PDGFRB: variants seen among roughly 807,000 people sequenced by gnomAD.
PDGFRB encodes platelet-derived growth factor receptor beta.
PDGFRB carries 42 observed loss-of-function variants against 120.2 expected under a neutral mutation model. The observed-to-expected ratio is 0.35, with a 90% CI of 0.27 to 0.45. The LOEUF (loss-of-function observed/expected upper bound fraction) is 0.45. PDGFRB is among the 20% of genes least tolerant of loss of function. The pLI is 1.00. For missense variants in PDGFRB, 1,149 were observed against 1,476.3 expected, an observed-to-expected ratio of 0.78 and a Z score of 3.63; for synonymous variants, 586 against 606.8, an observed-to-expected ratio of 0.97 and a Z score of 0.50.
chr5:150,124,079 T>C, intron 14 of PDGFRB, 171 bp downstream of exon 14: 1 of 435,642 alleles, frequency 2.3e-6, no homozygotes, highest in Non-Finnish European at 4.1e-6. Context: ...ATTTTGTGAG[T>C]TTCTAAACCC....
At chr5:150,149,047 T>C (rs1474377726) in intron 1 of PDGFRB, among the ~76,000 whole-genome samples, 1 of 152,166 alleles carries the variant, frequency 6.6e-6, no homozygotes, top group African/African-American at 2.4e-5. Flanking sequence ...TCTGCGGTGC[T>C]GTGTGAGGAT....
At position 150,115,878 on chromosome 5, in the gene PDGFRB, T is replaced by C. The variant is rs1444854414; in HGVS notation, c.3206A>G (p.Glu1069Gly). Residue 1069 changes from glutamate (E) to glycine (G), a missense_variant, in exon 23 of 23, where the codon GAA becomes GGA. By Grantham distance (98) the Glu-to-Gly change is moderately conservative. Transcript: ENST00000261799. ...CTCAAGCTGGGGCTCTGGCTCTGGT[T>C]CGTCCTGGGGCTCCAGGGGGCTGTC... ...SCDSPLEPQD[E>G]PEPEPQLELQ... The C allele has an allele frequency of 6.2e-7, 1 of 1,610,900 alleles. No individual in the cohort carries two copies. The highest frequency in any genetic ancestry group is 1.1e-5 in the South Asian group (1 of 90,378).
intron 15 of PDGFRB, chr5:150,122,329 T>C (rs1157625507): frequency 2.8e-6 from 1 of 358,642 alleles, no homozygotes; most frequent in Non-Finnish European, 5.2e-6. Context: ...GGCGCCTTCC[T>C]GTGGCCTCCC....
rs2113906861 is a variant in PDGFRB at position 150,132,789 on chromosome 5, C to A, written c.1088G>T (p.Gly363Val). ...GTTGCGCGTGGACAGGGCGATTTCG[C>A]CAGCGCTGGAGTCGCCCAGGGTGCG... ...DNRTLGDSSA[G>V]EIALSTRNVS... Residue 363 changes from glycine to valine, a missense_variant, in exon 7 of 23, where the codon GGC becomes GTC. Physicochemically the swap from Gly to Val is moderately radical, Grantham distance 109. This residue lies in a region of PDGFRB where 879 missense variants were observed against 1,108.6 expected (regional missense o/e 0.79). Transcript: ENST00000261799. The surrounding 1 kb of genome is among the most constrained non-coding windows in gnomAD (Gnocchi z 5.0). The A allele has an allele frequency of 1.2e-6, 2 of 1,613,102 alleles. No homozygotes were observed. The highest frequency in any genetic ancestry group is 4.5e-5 in the East Asian group (2 of 44,842).
At chr5:150,117,451 A>T (rs1333844768) in intron 22 of PDGFRB, among the ~76,000 whole-genome samples, 167 bp downstream of exon 22, 2 of 152,046 alleles carry the variant, frequency 1.3e-5, no homozygotes, top group Non-Finnish European at 1.5e-5. Context: ...AGTTCAAATG[A>T]GTTCCATTCT....
At chr5:150,143,927 C>G (rs1208589888) in intron 1 of PDGFRB, among the ~76,000 whole-genome samples, 2 of 152,142 alleles carry the variant, frequency 1.3e-5, no homozygotes, top group East Asian at 3.9e-4. Flanking sequence ...GCGCAGCCCA[C>G]TCGGTGTTGG....
rs116171826 is a variant in PDGFRB, at chr5:150,129,943, G to A, written c.1393C>T (p.Leu465=). 1.4e-3 allele frequency: 2,311 copies of A among 1,613,946 alleles called. 26 individuals are homozygous for A. The highest frequency in any genetic ancestry group is 0.01 in the African/African-American group (765 of 75,076). The change falls in exon 10 of 23, where the codon CTG becomes TTG. Residue 465 remains leucine, a synonymous_variant. Transcript: ENST00000261799. ...TCCTCTTCGGAACTGTTCCCCAGCA[G>A]CGTGGGCGGCAGCTCACGTGGACAC... ...KRCPRELPPT[L]LGNSSEEESQ...
intron 21 of PDGFRB, among the ~76,000 whole-genome samples, chr5:150,118,311 C>T (rs1030839753): frequency 3.9e-5 from 6 of 152,276 alleles, no homozygotes; most frequent in Admixed American, 1.3e-4. Context: ...CTCACTTGGA[C>T]CCGTGTTGTT....
intron 1 of PDGFRB, among the ~76,000 whole-genome samples, chr5:150,148,263 C>T (rs1323664180): frequency 6.6e-6 from 1 of 152,232 alleles, no homozygotes; most frequent in Non-Finnish European, 1.5e-5. Context: ...ACCTACCTAA[C>T]AACGATCTGG....
At position 150,114,298 on chromosome 5, in the gene PDGFRB, A is replaced by G. The variant is rs1457611343; in HGVS notation, c.*1465T>C. 4.3e-6 allele frequency: 1 copy of G among 232,846 alleles called. No homozygotes were observed. The highest frequency in any genetic ancestry group is 8.5e-6 in the Non-Finnish European group (1 of 117,884). 14.4% of individuals were successfully genotyped at this position (232,846 alleles called of 1,614,324 possible). ...CTGGTGGGTGAGGGGCAAACCTCCAAAGCGCCCACCTCTCACATCCTTCTT... is the reference window on the plus strand; with the variant it reads ...CTGGTGGGTGAGGGGCAAACCTCCAGAGCGCCCACCTCTCACATCCTTCTT... On this transcript the variant is annotated 3_prime_UTR_variant, in exon 23 of 23. Transcript: ENST00000261799.
chr5:150,120,432 C>T lies in PDGFRB; in HGVS notation c.2587-309G>A, dbSNP rs1580795408. 6.6e-6 allele frequency among the ~76,000 whole-genome samples: 1 copy of T among 152,332 alleles called. No individual in the cohort carries two copies. Among genetic ancestry groups the T allele is most frequent in the East Asian group, 1.9e-4 (1 of 5,178 alleles). ...GTCAAGGCACCCCCCAAGCTCTTAT[C>T]CTGGCTGCCTTTGATCTCTGGGCCT... On this transcript the variant is annotated intron_variant, in intron 18 of 22. Coordinates refer to ENST00000261799, the MANE Select transcript of PDGFRB (RefSeq NM_002609.4). This position sits in a 1 kb window ranked among gnomAD's most constrained non-coding sequence, Gnocchi z 4.3.
At position 150,119,464 on chromosome 5, in the gene PDGFRB, C is replaced by T. The variant is rs112400081; in HGVS notation, c.2798+3G>A. 6.5e-7 allele frequency: 1 copy of T among 1,537,434 alleles called. No individual in the cohort carries two copies. The highest frequency in any genetic ancestry group is 9.0e-7 in the Non-Finnish European group (1 of 1,109,968). On this transcript the variant is annotated splice_donor_region_variant and intron_variant, in intron 20 of 22. Transcript: ENST00000261799. ...CCTCCCAAATGCATGAGACTCCACT[C>T]ACATCTCGTCGGAGGCATGGGCAGG...
intron 1 of PDGFRB, chr5:150,153,306 G>C (rs1438110003): frequency 6.6e-6 from 1 of 152,308 alleles, no homozygotes; most frequent in African/African-American, 2.4e-5. Flanking sequence ...GACCAAGCCA[G>C]GGCCCGGGCA....
intron 22 of PDGFRB, 70 bp downstream of exon 22, chr5:150,117,548 A>G (rs7712925): frequency 0.071 from 27,210 of 381,610 alleles, 164 homozygotes; most frequent in African/African-American, 0.17. Context: ...GCGCGCGCAC[A>G]CACACACACA....
In PDGFRB at chr5:150,132,072, C is replaced by A; in HGVS notation, c.1150G>T (p.Val384Phe). ...CCAGCCTCTGCCACCTTCACGCGAACCAGTGTCAGCTCTGACACATACCTG... is the reference window on the plus strand; with the variant it reads ...CCAGCCTCTGCCACCTTCACGCGAAACAGTGTCAGCTCTGACACATACCTG... ...ETRYVSELTL[V>F]RVKVAEAGHY... The change falls in exon 8 of 23, where the codon GTT (valine) becomes TTT (phenylalanine). Residue 384 changes from valine (V) to phenylalanine (F), a missense_variant. By Grantham distance (50) the Val-to-Phe change is conservative. Coordinates refer to ENST00000261799, the MANE Select transcript of PDGFRB (RefSeq NM_002609.4). This position sits in a 1 kb window ranked among gnomAD's most constrained non-coding sequence, Gnocchi z 5.0. 1.2e-6 allele frequency: 2 copies of A among 1,606,830 alleles called. No individual in the cohort carries two copies. Among genetic ancestry groups the A allele is most frequent in the Non-Finnish European group, 8.5e-7 (1 of 1,173,380 alleles).
At chr5:150,126,828 C>T (rs565716067) in intron 10 of PDGFRB, among the ~76,000 whole-genome samples, 9 of 152,374 alleles carry the variant, frequency 5.9e-5, no homozygotes, top group African/African-American at 1.7e-4. Context: ...TAACTACCCC[C>T]ACTCAGATCA....
Position 150,120,132 on chromosome 5 carries a change from A to T in PDGFRB, c.2587-9T>A, listed in dbSNP as rs766469617. ...TTTAAAGGCAAAAAGGTCTGTAGGG[A>T]GGTCAGGACAGGTGCTGAGTGCAAG... On this transcript the variant is annotated splice_polypyrimidine_tract_variant and intron_variant, in intron 18 of 22. Coordinates refer to ENST00000261799, the MANE Select transcript of PDGFRB (RefSeq NM_002609.4). This position sits in a 1 kb window ranked among gnomAD's most constrained non-coding sequence, Gnocchi z 4.3. The T allele has an allele frequency of 1.6e-6, 2 of 1,220,084 alleles. No individual in the cohort carries two copies. The highest frequency in any genetic ancestry group is 2.4e-6 in the Non-Finnish European group (2 of 819,484). The allele number at this position is 1,220,084 out of a possible 1,614,324, so 75.6% of individuals were successfully genotyped here. A position where few individuals can be genotyped will look rare whatever the true frequency, so the allele number is the denominator to read the frequency against.
intron 1 of PDGFRB, among the ~76,000 whole-genome samples, chr5:150,142,914 C>A (rs1337074282): frequency 6.6e-6 from 1 of 152,052 alleles, no homozygotes; most frequent in Non-Finnish European, 1.5e-5. Context: ...ACGGTGCCTA[C>A]GTGATAAGAG....
intron 21 of PDGFRB, among the ~76,000 whole-genome samples, chr5:150,118,507 C>T (rs1760034785): frequency 6.6e-6 from 1 of 152,140 alleles, no homozygotes; most frequent in Non-Finnish European, 1.5e-5. Flanking sequence ...TGCTCTAGGC[C>T]CCCTCCCTGC....
Sources: gnomAD v4.1 joint callset for allele counts (sites outside exome capture counted in the v4.1 genomes callset) on GRCh38, gnomAD v4.1.1 for gene constraint, gnomAD v4.1.1 regional missense constraint, Gnocchi (gnomAD v3.1) non-coding constraint, MANE v1.5 for transcripts, NCBI Gene and HGNC (gene_info 2026-07-23, HGNC 2026-07-21) for gene names.